Variants in NRG1 observed in about 807,000 individuals in gnomAD.
The protein encoded by NRG1 is pro-neuregulin-1, membrane-bound isoform.
A neutral mutation model predicts 63.8 loss-of-function variants in NRG1; 18 were observed. The observed-to-expected ratio is 0.28, with a 90% CI of 0.19 to 0.42. NRG1 has a LOEUF of 0.42. NRG1 is among the 10% of genes least tolerant of loss of function. NRG1 has a pLI of 1.00. For synonymous variants in NRG1, 302 were observed against 301.3 expected, an observed-to-expected ratio of 1.00 and a Z score of -0.02; for missense variants, 762 against 814.7, an observed-to-expected ratio of 0.94 and a Z score of 0.79.
intron 1 of NRG1, among the ~76,000 whole-genome samples, chr8:32,489,357 C>T (rs1329677331): frequency 1.3e-5 from 2 of 152,154 alleles, no homozygotes; most frequent in African/African-American, 4.8e-5. Flanking sequence ...GGGACCTTAT[C>T]GGGAAGCTGA....
chr8:32,527,534 A>G (rs1387463742), intron 1 of NRG1, among the ~76,000 whole-genome samples: 1 of 152,198 alleles, frequency 6.6e-6, no homozygotes, highest in African/African-American at 2.4e-5. Context: ...GGAAGGGTTC[A>G]AGGGATGAGA....
chr8:31,768,390 A>G (rs1423410719), intron 1 of NRG1, among the ~76,000 whole-genome samples: 1 of 152,208 alleles, frequency 6.6e-6, no homozygotes, highest in African/African-American at 2.4e-5. Context: ...GATAAATAGA[A>G]AAATATCCAC....
rs555612573 is a variant in NRG1 at position 31,782,736 on chromosome 8, T to C, written c.37+143305T>C. 3.9e-4 allele frequency among the ~76,000 whole-genome samples: 59 copies of C among 152,278 alleles called. 1 individual carries two copies. Among genetic ancestry groups the C allele is most frequent in the African/African-American group, 1.3e-3 (52 of 41,562 alleles). On this transcript the variant is annotated intron_variant, in intron 1 of 10. Transcript: ENST00000519301. ...AACCCAACGCTGTGCTTTACAAAAT[T>C]TAACGTGCATGTGAATCGACAGAGG...
chr8:31,805,610 T>C (rs1822191020), intron 1 of NRG1, among the ~76,000 whole-genome samples: 1 of 151,938 alleles, frequency 6.6e-6, no homozygotes, highest in African/African-American at 2.4e-5. Flanking sequence ...GGGCAGATCA[T>C]GAGGTCAGGA....
intron 1 of NRG1, among the ~76,000 whole-genome samples, chr8:31,692,773 A>T (rs896276326): frequency 2.0e-5 from 3 of 152,192 alleles, no homozygotes; most frequent in Non-Finnish European, 2.9e-5. Flanking sequence ...TGAGAAGTGG[A>T]TGTCTCAGCG....
At chr8:31,907,345 CTT>C (rs11314573) in intron 1 of NRG1, among the ~76,000 whole-genome samples, 2,259 of 137,004 alleles carry the variant, frequency 0.016, 34 homozygotes, top group African/African-American at 0.042. Context: ...GCAGATGATC[CTT>C]TTTTTTTTTT....
Position 31,640,443 on chromosome 8 carries a change from G to C in NRG1, c.37+1012G>C. 1 of 1,540,200 alleles carries C rather than the reference G, an allele frequency of 6.5e-7. No homozygotes were observed. Among genetic ancestry groups the C allele is most frequent in the Non-Finnish European group, 8.7e-7 (1 of 1,144,464 alleles). Reference sequence around the variant, plus strand: ...CCGCCCCGGTGCCCAGCGCCGGCGAGCCCGGGGAGGAGGCGCCCTATCTGG... The same window carrying C: ...CCGCCCCGGTGCCCAGCGCCGGCGACCCCGGGGAGGAGGCGCCCTATCTGG... On this transcript the variant is annotated intron_variant, in intron 1 of 10. Transcript: ENST00000519301. This position sits in a 1 kb window ranked among gnomAD's most constrained non-coding sequence, Gnocchi z 6.3.
intron 1 of NRG1, among the ~76,000 whole-genome samples, chr8:32,520,783 T>G (rs1830266476): frequency 6.6e-6 from 1 of 152,192 alleles, no homozygotes; most frequent in South Asian, 2.1e-4. Flanking sequence ...ATTTCTAAGT[T>G]TTAACTTGTG....
intron 1 of NRG1, among the ~76,000 whole-genome samples, chr8:32,464,278 C>T (rs1822765396): frequency 1.0e-5 from 1 of 100,488 alleles, no homozygotes; most frequent in African/African-American, 4.0e-5. Flanking sequence ...AACTTATCCC[C>T]ACCCCCCCCC....
intron 5 of NRG1, among the ~76,000 whole-genome samples, chr8:32,707,227 G>A (rs1816658729): frequency 6.6e-6 from 1 of 151,892 alleles, no homozygotes; most frequent in Non-Finnish European, 1.5e-5. Context: ...AAAATACATT[G>A]TAATGTTTAC....
At chr8:32,274,277 C>A (rs1851854064) in intron 1 of NRG1, among the ~76,000 whole-genome samples, 1 of 152,172 alleles carries the variant, frequency 6.6e-6, no homozygotes, top group South Asian at 2.1e-4. Flanking sequence ...ACTCTCCATT[C>A]AAAACAATGC....
chr8:32,504,129 G>A (rs1465423282), intron 1 of NRG1, among the ~76,000 whole-genome samples: 1 of 152,122 alleles, frequency 6.6e-6, no homozygotes, highest in Admixed American at 6.5e-5. Flanking sequence ...CAACTCCTGC[G>A]ATCTTAGCCG....
At chr8:32,763,824 C>T (rs933384334) in exon 12 of NRG1, 19 of 1,610,732 alleles carry the variant, frequency 1.2e-5, no homozygotes, top group Non-Finnish European at 1.5e-5. Context: ...CAAATCGCCC[C>T]CTTCGGAAAT....
chr8:32,534,430 G>A (rs942602215), intron 1 of NRG1, among the ~76,000 whole-genome samples: 1 of 152,130 alleles, frequency 6.6e-6, no homozygotes, highest in African/African-American at 2.4e-5. Flanking sequence ...AATCCCCACT[G>A]TAAAATTAGT....
At chr8:31,812,121 G>A (rs763055085) in intron 1 of NRG1, among the ~76,000 whole-genome samples, 12 of 152,120 alleles carry the variant, frequency 7.9e-5, no homozygotes, top group Non-Finnish European at 1.8e-4. Context: ...TTGAACCTTG[G>A]TAGGTTGTAG....
chr8:31,723,296 G>C (rs974933152), intron 1 of NRG1, among the ~76,000 whole-genome samples: 1 of 152,118 alleles, frequency 6.6e-6, no homozygotes, highest in Non-Finnish European at 1.5e-5. Context: ...AGAGGACAGA[G>C]GACACCTAGC....
intron 10 of NRG1, 24 bp from the exon 11 acceptor site, chr8:32,760,176 T>C (rs1403593937): frequency 6.8e-6 from 11 of 1,612,930 alleles, no homozygotes; most frequent in Non-Finnish European, 9.3e-6. Context: ...AAATATCTGA[T>C]TGTCTCTCCC....
At chr8:31,887,994 T>C (rs1364320422) in intron 1 of NRG1, among the ~76,000 whole-genome samples, 1 of 151,600 alleles carries the variant, frequency 6.6e-6, no homozygotes, top group African/African-American at 2.4e-5. Context: ...TACATATCAA[T>C]ATATAAACCT....
chr8:31,796,812 G>C (rs1288778512), intron 1 of NRG1, among the ~76,000 whole-genome samples: 2 of 152,044 alleles, frequency 1.3e-5, no homozygotes, highest in African/African-American at 4.8e-5. Flanking sequence ...AGTTAGTCCT[G>C]ACTTCCATGG....
Sources: gnomAD v4.1 joint callset for allele counts (sites outside exome capture counted in the v4.1 genomes callset) on GRCh38, gnomAD v4.1.1 for gene constraint, Gnocchi (gnomAD v3.1) non-coding constraint, MANE v1.5 for transcripts, NCBI Gene and HGNC (gene_info 2026-07-23, HGNC 2026-07-21) for gene names.